The following ZNF280B variants were observed in gnomAD, a reference collection of about 807,000 sequenced individuals.
ZNF280B encodes the protein zinc finger protein 280B.
ZNF280B carries 16 observed loss-of-function variants against 38.0 expected under a neutral mutation model. The ratio of observed to expected loss-of-function variants is 0.42; its 90% confidence interval spans 0.28 to 0.64. The LOEUF (loss-of-function observed/expected upper bound fraction) is 0.64, where lower values mean the gene tolerates loss of function less well. Ranked by LOEUF, ZNF280B falls within the 30% of genes least tolerant of loss-of-function variation. ZNF280B has a pLI of 0.21. For missense variants in ZNF280B, 581 were observed against 639.6 expected (o/e 0.91, Z 0.99); for synonymous variants, 253 against 230.6 (o/e 1.10, Z -0.88).
At position 22,503,866 on chromosome 22, in the gene ZNF280B, C is replaced by T. The variant is rs1359309901; in HGVS notation, c.-187+3944G>A. Among the ~76,000 whole-genome samples, 5 of 151,920 alleles carry T rather than the reference C, an allele frequency of 3.3e-5. No individual in the cohort carries two copies. The East Asian group carries it at 9.8e-4, about 30-fold the overall frequency. ...GCTGTGAGAGCATATTCTATGCAGA[C>T]CACATAGGTCCTATCATGACTCCCT... On this transcript the variant is annotated intron_variant, in intron 2 of 3. Coordinates refer to ENST00000626650, the MANE Select transcript of ZNF280B (RefSeq NM_080764.4).
intron 2 of ZNF280B, among the ~76,000 whole-genome samples, chr22:22,498,924 A>G (rs993173010): frequency 1.4e-5 from 2 of 147,352 alleles, no homozygotes; most frequent in African/African-American, 5.0e-5. Context: ...CAGCCTCCCG[A>G]GTAGCTGGGA....
At position 22,488,624 on chromosome 22, in the gene ZNF280B, A is replaced by G; in HGVS notation, c.775T>C (p.Leu259=). 1 of 1,613,814 alleles carries G rather than the reference A, an allele frequency of 6.2e-7. No homozygotes were observed. Among genetic ancestry groups the G allele is most frequent in the Non-Finnish European group, 8.5e-7 (1 of 1,179,942 alleles). ...AGACTCAAAATGTCTGTTTTTGCCA[A>G]TTCATTTGCCCTATCAAGATTTGTA... ...INTNLDRANE[L]AKTDILSLTS... The change falls in exon 4 of 4, where the codon TTG becomes CTG. Residue 259 remains leucine (L), a synonymous_variant. Transcript: ENST00000626650.
chr22:22,488,370 G>C lies in ZNF280B; in HGVS notation c.1029C>G (p.Thr343=), dbSNP rs571645161. The C allele has an allele frequency of 6.2e-7, 1 of 1,613,730 alleles. No individual in the cohort carries two copies. Among genetic ancestry groups the C allele is most frequent in the African/African-American group, 1.3e-5 (1 of 74,848 alleles). ...KQRNDSWENH[T]TCQHCHRQFP... ...ACTGCCGGTGGCAGTGCTGGCAGGTGGTGTGGTTTTCCCAGCTGTCGTTCC... is the reference window on the plus strand; with the variant it reads ...ACTGCCGGTGGCAGTGCTGGCAGGTCGTGTGGTTTTCCCAGCTGTCGTTCC... Residue 343 remains threonine, a synonymous_variant, in exon 4 of 4, where the codon ACC becomes ACG. Transcript: ENST00000626650.
At chr22:22,505,166 T>C (rs933717647) in intron 2 of ZNF280B, among the ~76,000 whole-genome samples, 3 of 151,872 alleles carry the variant, frequency 2.0e-5, no homozygotes, top group Admixed American at 1.3e-4. Flanking sequence ...GACTGATCAA[T>C]AGGCTAACAC....
At position 22,496,887 on chromosome 22, in the gene ZNF280B, G is replaced by A. The variant is rs531065406; in HGVS notation, c.-186-2707C>T. On this transcript the variant is annotated intron_variant, in intron 2 of 3. Coordinates refer to ENST00000626650, the MANE Select transcript of ZNF280B (RefSeq NM_080764.4). ...GGCTGGAGTGCAGTGCCGTGATCTCGGCTCACTGCAACCTCCACCTCCTGG... is the reference window on the plus strand; with the variant it reads ...GGCTGGAGTGCAGTGCCGTGATCTCAGCTCACTGCAACCTCCACCTCCTGG... Among the ~76,000 whole-genome samples the A allele has an allele frequency of 2.0e-5, 3 of 149,082 alleles. No homozygotes were observed. In the East Asian group the frequency reaches 6.1e-4, roughly 30 times the overall value.
At chr22:22,502,390 C>T (rs2061843514) in intron 2 of ZNF280B, among the ~76,000 whole-genome samples, 1 of 151,796 alleles carries the variant, frequency 6.6e-6, no homozygotes, top group African/African-American at 2.4e-5. Flanking sequence ...GGCAATTGCT[C>T]AAAATTTAAA....
intron 2 of ZNF280B, among the ~76,000 whole-genome samples, chr22:22,501,705 C>T (rs867610732): frequency 6.6e-5 from 10 of 150,918 alleles, no homozygotes; most frequent in Admixed American, 2.0e-4. Context: ...TAGTGAGACC[C>T]CTTCTCTACA....
At chr22:22,501,028 A>AAAAAAC (rs1555941984) in intron 2 of ZNF280B, among the ~76,000 whole-genome samples, 2 of 110,426 alleles carry the variant, frequency 1.8e-5, no homozygotes, top group South Asian at 4.1e-4. Flanking sequence ...TCAAAAAAAA[A>AAAAAAC]AAAAAAAAAA....
At chr22:22,493,583 C>T (rs2061638759) in intron 3 of ZNF280B, among the ~76,000 whole-genome samples, 1 of 151,910 alleles carries the variant, frequency 6.6e-6, no homozygotes, top group African/African-American at 2.4e-5. Flanking sequence ...TGTCAAAGTA[C>T]CTTATAAGCC....
intron 2 of ZNF280B, among the ~76,000 whole-genome samples, chr22:22,501,196 TACTGA>T (rs1198567729): frequency 2.0e-5 from 3 of 151,874 alleles, no homozygotes; most frequent in African/African-American, 7.3e-5. Context: ...TGCTTGAAAC[TACTGA>T]ACTATTAATT....
intron 3 of ZNF280B, among the ~76,000 whole-genome samples, chr22:22,493,190 G>A (rs866044584): frequency 2.0e-5 from 3 of 151,644 alleles, no homozygotes; most frequent in Admixed American, 6.6e-5. Flanking sequence ...TGTATTTTTA[G>A]TAGAGACGGG....
intron 3 of ZNF280B, among the ~76,000 whole-genome samples, chr22:22,489,925 T>A (rs1404504643): frequency 6.6e-6 from 1 of 151,998 alleles, no homozygotes; most frequent in African/African-American, 2.4e-5. Flanking sequence ...GCTGGTTTTT[T>A]AAAAGCACCA....
intron 2 of ZNF280B, among the ~76,000 whole-genome samples, chr22:22,504,905 T>C (rs1361127444): frequency 1.3e-5 from 2 of 152,000 alleles, no homozygotes; most frequent in Non-Finnish European, 2.9e-5. Context: ...TGCCATGTAT[T>C]GGTCTGGTGA....
intron 2 of ZNF280B, among the ~76,000 whole-genome samples, chr22:22,504,845 C>T (rs1206924616): frequency 2.0e-5 from 3 of 151,884 alleles, no homozygotes; most frequent in Admixed American, 1.3e-4. Context: ...GTATTTGAGA[C>T]GAATTTAAGA....
intron 2 of ZNF280B, among the ~76,000 whole-genome samples, chr22:22,505,337 G>A (rs919954493): frequency 9.2e-5 from 14 of 151,870 alleles, no homozygotes; most frequent in African/African-American, 3.4e-4. Flanking sequence ...AGGCCGAGGC[G>A]GGTGGATCAC....
chr22:22,495,845 G>A (rs2061682691), intron 2 of ZNF280B, among the ~76,000 whole-genome samples: 2 of 151,206 alleles, frequency 1.3e-5, no homozygotes, highest in African/African-American at 2.4e-5. Context: ...CCAGGCTGGA[G>A]TGCAGTGGCA....
intron 2 of ZNF280B, among the ~76,000 whole-genome samples, chr22:22,495,091 G>C (rs1419718912): frequency 6.6e-6 from 1 of 151,842 alleles, no homozygotes; most frequent in Non-Finnish European, 1.5e-5. Context: ...CTGAGGAAAG[G>C]CTTCCCCAAA....
At chr22:22,501,552 G>C (rs771183276) in intron 2 of ZNF280B, among the ~76,000 whole-genome samples, 1 of 151,752 alleles carries the variant, frequency 6.6e-6, no homozygotes, top group Non-Finnish European at 1.5e-5. Flanking sequence ...GCGACAGAGT[G>C]AGACTCTGTT....
In ZNF280B at chr22:22,488,904, T is replaced by C. The variant is rs2061540339; in HGVS notation, c.495A>G (p.Ile165Met). Reference sequence around the variant, plus strand: ...GCTTTGATACACGAGGACTTTCATTTATACCTCCTACTGAAAGTGCTGTAC... The same window carrying C: ...GCTTTGATACACGAGGACTTTCATTCATACCTCCTACTGAAAGTGCTGTAC... ...PVSTALSVGG[I>M]NESPRVSKQL... The change falls in exon 4 of 4, where the codon ATA (isoleucine) becomes ATG (methionine). Residue 165 changes from isoleucine to methionine, a missense_variant. Transcript: ENST00000626650. The C allele has an allele frequency of 6.2e-7, 1 of 1,613,654 alleles. No homozygotes were observed. The highest frequency in any genetic ancestry group is 8.5e-7 in the Non-Finnish European group (1 of 1,179,986).
Sources: gnomAD v4.1 joint callset for allele counts (sites outside exome capture counted in the v4.1 genomes callset) on GRCh38, gnomAD v4.1.1 for gene constraint, MANE v1.5 for transcripts, NCBI Gene and HGNC (gene_info 2026-07-23, HGNC 2026-07-21) for gene names.